Variants in PYM1 observed in about 807,000 individuals in gnomAD.
PYM1 encodes the protein partner of Y14 and mago.
In PYM1, 7 loss-of-function variants were observed where a neutral mutation model predicts 20.7. That is an observed-to-expected ratio of 0.34 (90% CI 0.19 to 0.64). The LOEUF (loss-of-function observed/expected upper bound fraction) is 0.64. Among genes scored for constraint, PYM1 ranks in the 30% least tolerant of loss-of-function variants. The pLI, the probability that PYM1 is intolerant of heterozygous loss-of-function variation, is 0.74. For missense variants in PYM1, 194 were observed against 250.0 expected (o/e 0.78, Z 1.51); for synonymous variants, 100 against 99.2 (o/e 1.01, Z -0.05).
intron 1 of PYM1, among the ~76,000 whole-genome samples, chr12:55,908,385 T>A (rs1882862604): frequency 6.7e-6 from 1 of 150,166 alleles, no homozygotes; most frequent in Non-Finnish European, 1.5e-5. Context: ...GCCAATATCG[T>A]GCTACTGCAC....
intron 1 of PYM1, among the ~76,000 whole-genome samples, chr12:55,921,902 TGA>T (rs997476548): frequency 6.6e-6 from 1 of 152,198 alleles, no homozygotes; most frequent in African/African-American, 2.4e-5. Flanking sequence ...AATTGTTTTT[TGA>T]GACAGCCTCT....
At chr12:55,913,355 G>A (rs1471461819) in intron 1 of PYM1, among the ~76,000 whole-genome samples, 1 of 152,156 alleles carries the variant, frequency 6.6e-6, no homozygotes, top group Non-Finnish European at 1.5e-5. Flanking sequence ...TCTCATCAGG[G>A]AAGAGCAAGA....
At chr12:55,904,010 C>G (rs1269811738) in intron 1 of PYM1, among the ~76,000 whole-genome samples, 1 of 151,984 alleles carries the variant, frequency 6.6e-6, no homozygotes, top group African/African-American at 2.4e-5. Context: ...ACTCTGTCAC[C>G]AAGGCTGGAG....
chr12:55,926,070 C>T (rs1019044951), intron 1 of PYM1, among the ~76,000 whole-genome samples: 1 of 152,172 alleles, frequency 6.6e-6, no homozygotes, highest in African/African-American at 2.4e-5. Flanking sequence ...TTTAAAACAC[C>T]GTGTGTACCA....
intron 1 of PYM1, among the ~76,000 whole-genome samples, chr12:55,926,900 A>G (rs996634857): frequency 6.6e-6 from 1 of 152,180 alleles, no homozygotes; most frequent in East Asian, 1.9e-4. Flanking sequence ...GACCCCAAAC[A>G]CGAGACCAGA....
chr12:55,924,308 T>C (rs1883152083), intron 1 of PYM1, among the ~76,000 whole-genome samples: 1 of 151,964 alleles, frequency 6.6e-6, no homozygotes, highest in African/African-American at 2.4e-5. Context: ...TAAGAACAAA[T>C]AGGCAGCAAG....
chr12:55,918,799 C>T (rs1883050887), intron 1 of PYM1, among the ~76,000 whole-genome samples: 1 of 152,132 alleles, frequency 6.6e-6, no homozygotes, highest in Non-Finnish European at 1.5e-5. Context: ...ACCTGAGAGG[C>T]AGAGGTCGCA....
intron 1 of PYM1, among the ~76,000 whole-genome samples, chr12:55,924,480 A>C (rs1883155641): frequency 6.6e-6 from 1 of 152,126 alleles, no homozygotes; most frequent in East Asian, 1.9e-4. Context: ...GCATCGCTTC[A>C]TTTTTAAAAA....
At chr12:55,902,603 G>A (rs553574538) in intron 2 of PYM1, among the ~76,000 whole-genome samples, 11 of 151,438 alleles carry the variant, frequency 7.3e-5, no homozygotes, top group South Asian at 6.3e-4. Context: ...TCAGCCTCCC[G>A]GGTAGCTGGG....
intron 1 of PYM1, among the ~76,000 whole-genome samples, chr12:55,909,573 G>T (rs1242350021): frequency 1.3e-5 from 2 of 149,606 alleles, no homozygotes; most frequent in East Asian, 1.9e-4. Context: ...CATAATAAAA[G>T]GGTGACTTGG....
Position 55,903,417 on chromosome 12 carries a change from T to A in PYM1, c.101A>T (p.Glu34Val), listed in dbSNP as rs780978284. Residue 34 changes from glutamate to valine, a missense_variant, in exon 2 of 3, where the codon GAA (glutamate) becomes GTA (valine). By Grantham distance (121) the Glu-to-Val change is moderately radical (BLOSUM62 -2). Coordinates refer to ENST00000408946, the MANE Select transcript of PYM1 (RefSeq NM_032345.3). ...GTWRKQRRVK[E>V]GYVPQEEVPV... is the part of the protein sequence containing the mutation. Reference sequence around the variant, plus strand: ...GACCTCCTCCTGGGGCACATATCCTTCTTTCACCCTCCGCTGCTTGCGCCA... The same window carrying A: ...GACCTCCTCCTGGGGCACATATCCTACTTTCACCCTCCGCTGCTTGCGCCA... 6.2e-7 allele frequency: 1 copy of A among 1,613,966 alleles called. No individual in the cohort carries two copies. The highest frequency in any genetic ancestry group is 1.7e-5 in the Admixed American group (1 of 59,972).
chr12:55,903,572 C>T (rs990340977), intron 1 of PYM1, 92 bp from the exon 2 acceptor site: 30 of 1,207,644 alleles, frequency 2.5e-5, no homozygotes, highest in Non-Finnish European at 3.5e-5. Flanking sequence ...TACCATCTCT[C>T]AGCACCCATT....
In PYM1 at chr12:55,927,709, G is replaced by C. The variant is rs1358348733; in HGVS notation, c.37+16C>G. ...GGGAGGGGCGTGCAAGGCGGAGGGC[G>C]CCGCGGGTCGGTCACCTGTCTCCGT... On this transcript the variant is annotated intron_variant, in intron 1 of 2. Transcript: ENST00000408946. The C allele has an allele frequency of 2.6e-6, 4 of 1,539,242 alleles. No homozygotes were observed. The highest frequency in any genetic ancestry group is 3.5e-6 in the Non-Finnish European group (4 of 1,146,116).
chr12:55,907,089 A>C (rs1475569949), intron 1 of PYM1, among the ~76,000 whole-genome samples: 1 of 75,834 alleles, frequency 1.3e-5, no homozygotes, highest in Admixed American at 1.4e-4. Flanking sequence ...GTTAAGAGAG[A>C]AAGTTAACAT....
At chr12:55,915,458 C>T (rs1344565363) in intron 1 of PYM1, among the ~76,000 whole-genome samples, 2 of 151,166 alleles carry the variant, frequency 1.3e-5, no homozygotes, top group Non-Finnish European at 2.9e-5. Flanking sequence ...ATCCCAGCTA[C>T]TCGGGAGGCT....
chr12:55,926,423 T>C (rs1190014928), intron 1 of PYM1, among the ~76,000 whole-genome samples: 1 of 152,210 alleles, frequency 6.6e-6, no homozygotes, highest in Non-Finnish European at 1.5e-5. Flanking sequence ...GAAAAGCCAC[T>C]AGATACTTTC....
chr12:55,926,395 T>C (rs1883187425), intron 1 of PYM1, among the ~76,000 whole-genome samples: 1 of 152,198 alleles, frequency 6.6e-6, no homozygotes, highest in Non-Finnish European at 1.5e-5. Flanking sequence ...TTTTATTCAC[T>C]TGTCAAAGGG....
intron 1 of PYM1, 30 bp downstream of exon 1, chr12:55,927,695 G>A: frequency 6.5e-7 from 1 of 1,539,124 alleles, no homozygotes; most frequent in Non-Finnish European, 8.7e-7. Flanking sequence ...GGAGGGGCGT[G>A]CAAGGCGGAG....
At chr12:55,923,492 G>A (rs1392482836) in intron 1 of PYM1, among the ~76,000 whole-genome samples, 1 of 149,876 alleles carries the variant, frequency 6.7e-6, no homozygotes, top group Non-Finnish European at 1.5e-5. Context: ...CTTGAGCCCA[G>A]AAGTTAAGAC....
Sources: gnomAD v4.1 joint callset for allele counts (sites outside exome capture counted in the v4.1 genomes callset) on GRCh38, gnomAD v4.1.1 for gene constraint, MANE v1.5 for transcripts, NCBI Gene and HGNC (gene_info 2026-07-23, HGNC 2026-07-21) for gene names.